The following MARCHF1 variants were observed in gnomAD, a reference collection of about 807,000 sequenced individuals.
MARCHF1 encodes the protein membrane associated ring-CH-type finger 1.
A neutral mutation model predicts 54.2 loss-of-function variants in MARCHF1; 40 were observed. The observed-to-expected ratio is 0.74, with a 90% CI of 0.57 to 0.96. The LOEUF is 0.96. Ranked by LOEUF, MARCHF1 falls within the 40% of genes least tolerant of loss-of-function variation. The pLI, the probability that MARCHF1 is intolerant of heterozygous loss-of-function variation, is 0.00. For synonymous variants in MARCHF1, 236 were observed against 236.3 expected (o/e 1.00, Z 0.01); for missense variants, 586 against 656.5 (o/e 0.89, Z 1.17).
At chr4:163,806,510 G>C (rs1748227638) in intron 4 of MARCHF1, among the ~76,000 whole-genome samples, 1 of 152,170 alleles carries the variant, frequency 6.6e-6, no homozygotes, top group African/African-American at 2.4e-5. Context: ...AGTGGGGGCT[G>C]CTAATACTGG....
At chr4:164,057,825 C>T (rs1201759283) in intron 2 of MARCHF1, among the ~76,000 whole-genome samples, 2 of 152,120 alleles carry the variant, frequency 1.3e-5, no homozygotes, top group African/African-American at 4.8e-5. Context: ...TAGGCAAACA[C>T]CCTTAGCTGA....
At chr4:163,963,024 C>T (rs1579425125) in intron 3 of MARCHF1, among the ~76,000 whole-genome samples, 2 of 151,886 alleles carry the variant, frequency 1.3e-5, no homozygotes, top group East Asian at 1.9e-4. Flanking sequence ...CATTTCTCTA[C>T]AGAACCTTGT....
At chr4:163,808,379 T>A (rs759316158) in intron 4 of MARCHF1, among the ~76,000 whole-genome samples, 1 of 152,190 alleles carries the variant, frequency 6.6e-6, no homozygotes, top group African/African-American at 2.4e-5. Context: ...GAATTTGATA[T>A]GCCACTGCTA....
At chr4:163,996,491 T>C (rs1481313480) in intron 2 of MARCHF1, among the ~76,000 whole-genome samples, 1 of 152,228 alleles carries the variant, frequency 6.6e-6, no homozygotes, top group East Asian at 1.9e-4. Context: ...ATAGCCAATA[T>C]GTCATTTTTT....
chr4:164,380,175 C>T (rs1204414836), intron 1 of MARCHF1, among the ~76,000 whole-genome samples: 1 of 152,024 alleles, frequency 6.6e-6, no homozygotes, highest in Non-Finnish European at 1.5e-5. Context: ...ATTTAACATA[C>T]CAGATATTCT....
chr4:164,142,182 G>A (rs1048040188), intron 1 of MARCHF1, among the ~76,000 whole-genome samples: 6 of 152,214 alleles, frequency 3.9e-5, no homozygotes, highest in African/African-American at 1.4e-4. Flanking sequence ...TGCCCACGGA[G>A]ACTCGCTGAT....
chr4:163,703,438 T>C (rs1744864336), intron 4 of MARCHF1, among the ~76,000 whole-genome samples: 1 of 152,172 alleles, frequency 6.6e-6, no homozygotes, highest in Admixed American at 6.6e-5. Flanking sequence ...TACTAATTAA[T>C]TGGGTGGCTT....
chr4:163,780,825 C>A lies in MARCHF1; in HGVS notation c.111+73196G>T, dbSNP rs574948511. 7.9e-5 allele frequency among the ~76,000 whole-genome samples: 12 copies of A among 152,232 alleles called. No homozygotes were observed. The South Asian group carries it at 2.1e-3, about 26-fold the overall frequency. ...TTTGGCAGGGTTGTCTGCATACGCC[C>A]ACAGCAGTGTCCATATGACCCAGGC... On this transcript the variant is annotated intron_variant, in intron 4 of 9. Transcript: ENST00000514618.
At chr4:164,136,079 T>A (rs539686779) in intron 1 of MARCHF1, among the ~76,000 whole-genome samples, 1 of 140,098 alleles carries the variant, frequency 7.1e-6, no homozygotes, top group South Asian at 2.2e-4. Context: ...CAAATTTCCA[T>A]TTTTTTTTTT....
At chr4:163,820,353 T>C (rs949743923) in intron 4 of MARCHF1, among the ~76,000 whole-genome samples, 9 of 152,094 alleles carry the variant, frequency 5.9e-5, no homozygotes, top group Non-Finnish European at 1.2e-4. Flanking sequence ...GATTGTTCTC[T>C]GCCTATTGTA....
At chr4:164,313,778 C>A (rs575644153) in intron 1 of MARCHF1, among the ~76,000 whole-genome samples, 40 of 152,274 alleles carry the variant, frequency 2.6e-4, no homozygotes, top group African/African-American at 9.6e-4. Flanking sequence ...CCCAGTCACC[C>A]AAACTAGCAA....
intron 4 of MARCHF1, among the ~76,000 whole-genome samples, chr4:163,823,740 G>A (rs572994223): frequency 3.2e-4 from 48 of 151,794 alleles, no homozygotes; most frequent in South Asian, 2.5e-3. Context: ...AGTAATTAAC[G>A]TATGCTAAAA....
At chr4:164,151,039 C>T (rs1329329554) in intron 1 of MARCHF1, among the ~76,000 whole-genome samples, 4 of 152,102 alleles carry the variant, frequency 2.6e-5, no homozygotes, top group Non-Finnish European at 5.9e-5. Flanking sequence ...AGTCAAGGAC[C>T]TTTCAAAACT....
chr4:163,766,731 GACAA>G (rs1185989014), intron 4 of MARCHF1, among the ~76,000 whole-genome samples: 2 of 152,084 alleles, frequency 1.3e-5, no homozygotes, highest in African/African-American at 4.8e-5. Context: ...TCCTCAAAGA[GACAA>G]ACAAACATTT....
intron 4 of MARCHF1, among the ~76,000 whole-genome samples, chr4:163,772,410 T>C: frequency 6.6e-6 from 1 of 152,176 alleles, no homozygotes; most frequent in Non-Finnish European, 1.5e-5. Flanking sequence ...TAGGCGTGAC[T>C]GGGTTTCTGC....
chr4:164,360,441 T>C (rs1292410816), intron 1 of MARCHF1, among the ~76,000 whole-genome samples: 2 of 152,010 alleles, frequency 1.3e-5, no homozygotes, highest in Non-Finnish European at 2.9e-5. Flanking sequence ...GGAGAAGTGG[T>C]TGGGAGAAAA....
intron 3 of MARCHF1, among the ~76,000 whole-genome samples, chr4:163,912,130 A>T (rs1006866242): frequency 7.2e-5 from 11 of 151,980 alleles, no homozygotes; most frequent in African/African-American, 2.2e-4. Context: ...AGCAGGGAAA[A>T]AAACGAGAGA....
chr4:163,967,693 T>C (rs559437772), intron 3 of MARCHF1, among the ~76,000 whole-genome samples: 8 of 152,276 alleles, frequency 5.3e-5, no homozygotes, highest in African/African-American at 1.7e-4. Context: ...TCTATATCGA[T>C]ATCTATTGAT....
chr4:164,034,018 C>A (rs533668631), intron 2 of MARCHF1, among the ~76,000 whole-genome samples: 15 of 151,846 alleles, frequency 9.9e-5, no homozygotes, highest in African/African-American at 2.7e-4. Flanking sequence ...AGGCATGGAA[C>A]CAACTCAAAT....
Sources: allele counts gnomAD v4.1 joint callset (sites outside exome capture counted in the v4.1 genomes callset), GRCh38; gene constraint gnomAD v4.1.1; transcripts MANE v1.5; gene names NCBI Gene and HGNC (gene_info 2026-07-23, HGNC 2026-07-21).